ANKRD62: variants seen among roughly 807,000 people sequenced by gnomAD.
ANKRD62 encodes the protein ankyrin repeat domain 62.
In ANKRD62, 61 loss-of-function variants were observed where a neutral mutation model predicts 98.8. The ratio of observed to expected loss-of-function variants is 0.62; its 90% CI spans 0.50 to 0.76. The LOEUF is 0.76. Ranked by LOEUF, ANKRD62 falls within the 30% of genes least tolerant of loss-of-function variation. The probability of loss-of-function intolerance (pLI) is 0.00; values close to 1 mark genes in which losing one functional copy is unlikely to be tolerated. For missense variants in ANKRD62, 933 were observed against 1,082.9 expected, an observed-to-expected ratio of 0.86 and a Z score of 1.94; for synonymous variants, 341 against 367.9, an observed-to-expected ratio of 0.93 and a Z score of 0.84.
chr18:12,122,013 G>A (rs1909792385), intron 10 of ANKRD62, among the ~76,000 whole-genome samples: 2 of 152,036 alleles, frequency 1.3e-5, no homozygotes, highest in Non-Finnish European at 2.9e-5. Context: ...CCAAGTATAG[G>A]TCAGATCCTC....
At chr18:12,164,811 T>G in the ANKRD62 span, among the ~76,000 whole-genome samples, 20 of 152,024 alleles carry the variant, frequency 1.3e-4, no homozygotes, top group Non-Finnish European at 1.3e-4. Context: ...TATTTTGTAG[T>G]CCAGACTAGG....
chr18:12,153,795 T>G, the ANKRD62 span, among the ~76,000 whole-genome samples: 2 of 151,970 alleles, frequency 1.3e-5, no homozygotes. Flanking sequence ...AACCCAAAAA[T>G]AAGGTTACAC....
chr18:12,156,582 T>C, the ANKRD62 span, among the ~76,000 whole-genome samples: 1 of 152,172 alleles, frequency 6.6e-6, no homozygotes, highest in Non-Finnish European at 1.5e-5. Flanking sequence ...TCACATAATA[T>C]AAGTCTAGAT....
rs757427521 is a variant in ANKRD62 at position 12,126,129 on chromosome 18, C to G, written c.2308C>G (p.Gln770Glu). Residue 770 changes from glutamine to glutamate, a missense_variant, in exon 13 of 14, where the codon CAA (glutamine) becomes GAA (glutamate). By Grantham distance (29) the Gln-to-Glu change is conservative. This residue lies in a region of ANKRD62 where 362 missense variants were observed against 434.5 expected (regional missense o/e 0.83). Transcript: ENST00000587848. ...TTTGGAAAAATACGTGAGAAAGCAGCAATCTGTAGAGGATGGACTATTTCA... is the reference window on the plus strand; with the variant it reads ...TTTGGAAAAATACGTGAGAAAGCAGGAATCTGTAGAGGATGGACTATTTCA... Reference protein sequence around the residue: ...PILEKYVRKQQSVEDGLFQLQ... With the variant: ...PILEKYVRKQESVEDGLFQLQ... The G allele has an allele frequency of 4.6e-6, 7 of 1,535,980 alleles. No homozygotes were observed. The African/African-American group carries it at 8.2e-5, about 18-fold the overall frequency.
chr18:12,121,347 T>G (rs1441131839), intron 10 of ANKRD62, among the ~76,000 whole-genome samples: 3 of 152,198 alleles, frequency 2.0e-5, no homozygotes, highest in Non-Finnish European at 2.9e-5. Flanking sequence ...ATGAGTGTTT[T>G]GGGCCTGGCT....
chr18:12,160,496 G>A, the ANKRD62 span, among the ~76,000 whole-genome samples: 1 of 152,102 alleles, frequency 6.6e-6, no homozygotes, highest in African/African-American at 2.4e-5. Context: ...TCAACAGGGG[G>A]CAAGTAGTTT....
the ANKRD62 span, among the ~76,000 whole-genome samples, chr18:12,168,148 A>G: frequency 1.3e-5 from 2 of 152,006 alleles, no homozygotes; most frequent in African/African-American, 4.8e-5. Flanking sequence ...ATTAGATCCC[A>G]TTTGTCAATT....
chr18:12,111,576 A>C (rs1408532905), intron 8 of ANKRD62, among the ~76,000 whole-genome samples: 1 of 152,184 alleles, frequency 6.6e-6, no homozygotes, highest in African/African-American at 2.4e-5. Flanking sequence ...ATCAAGAGAA[A>C]GAAATAATGG....
At chr18:12,125,290 C>G (rs1909863541) in intron 12 of ANKRD62, among the ~76,000 whole-genome samples, 170 bp from the exon 13 acceptor site, 1 of 151,950 alleles carries the variant, frequency 6.6e-6, no homozygotes, top group Non-Finnish European at 1.5e-5. Context: ...TGAGAATTTA[C>G]TCTCTAAAAG....
chr18:12,099,558 A>C, intron 5 of ANKRD62, 57 bp from the exon 6 acceptor site: 2 of 1,108,774 alleles, frequency 1.8e-6, no homozygotes, highest in Non-Finnish European at 2.5e-6. Flanking sequence ...GTATTTGGTA[A>C]AGTTTTTCAT....
downstream of ANKRD62, among the ~76,000 whole-genome samples, chr18:12,132,548 T>C (rs188969138): frequency 2.2e-3 from 336 of 152,210 alleles, 2 homozygotes; most frequent in Admixed American, 0.021. Flanking sequence ...AGAGCTGACA[T>C]GCCTTCTCGA....
the ANKRD62 span, among the ~76,000 whole-genome samples, chr18:12,156,051 C>T: frequency 1.3e-5 from 2 of 151,742 alleles, no homozygotes; most frequent in Admixed American, 1.3e-4. Context: ...CCTTCTCTCT[C>T]TCTCTCTTTC....
chr18:12,103,830 T>G (rs1909358933), intron 7 of ANKRD62, among the ~76,000 whole-genome samples: 1 of 152,146 alleles, frequency 6.6e-6, no homozygotes, highest in Non-Finnish European at 1.5e-5. Flanking sequence ...CTGCAAATAT[T>G]GTTAAATTTT....
the ANKRD62 span, among the ~76,000 whole-genome samples, chr18:12,151,185 CAAAG>C: frequency 6.6e-6 from 1 of 152,078 alleles, no homozygotes; most frequent in African/African-American, 2.4e-5. Flanking sequence ...TCAAAAAAGA[CAAAG>C]AAGGGCATTA....
chr18:12,102,467 G>A (rs1598731088), intron 6 of ANKRD62: 3 of 428,714 alleles, frequency 7.0e-6, no homozygotes, highest in Non-Finnish European at 1.3e-5. Flanking sequence ...CCAGAGAACC[G>A]CCATCTCATT....
At chr18:12,124,592 C>G (rs966338437) in intron 12 of ANKRD62, among the ~76,000 whole-genome samples, 2 of 152,020 alleles carry the variant, frequency 1.3e-5, no homozygotes, top group Non-Finnish European at 1.5e-5. Context: ...TGACATAGTT[C>G]AGTGTAGTTT....
chr18:12,136,117 C>T, the ANKRD62 span, among the ~76,000 whole-genome samples: 1 of 152,004 alleles, frequency 6.6e-6, no homozygotes, highest in Non-Finnish European at 1.5e-5. Flanking sequence ...AAGTCCTTGC[C>T]CATGCCTATG....
At chr18:12,141,107 T>C in the ANKRD62 span, among the ~76,000 whole-genome samples, 1 of 152,218 alleles carries the variant, frequency 6.6e-6, no homozygotes, top group Non-Finnish European at 1.5e-5. Context: ...CTCAGACTGC[T>C]GTGCTAGCAA....
intron 1 of ANKRD62, among the ~76,000 whole-genome samples, chr18:12,094,788 T>G (rs961718522): frequency 4.7e-4 from 15 of 32,008 alleles, no homozygotes; most frequent in Admixed American, 1.3e-3. Context: ...GGTGTGGGGG[T>G]GGGTGGGGTT....
Sources: gnomAD v4.1 joint callset for allele counts (sites outside exome capture counted in the v4.1 genomes callset) on GRCh38, gnomAD v4.1.1 for gene constraint, gnomAD v4.1.1 regional missense constraint, MANE v1.5 for transcripts, NCBI Gene and HGNC (gene_info 2026-07-23, HGNC 2026-07-21) for gene names.